Variants in PSPH observed in about 807,000 individuals in gnomAD.
PSPH encodes the protein phosphoserine phosphatase.
Under a neutral mutation model 23.4 loss-of-function variants are expected in PSPH, and 16 were observed. The ratio of observed to expected loss-of-function variants is 0.68; its 90% CI spans 0.46 to 1.04. The LOEUF is 1.04. Among genes scored for constraint, PSPH ranks in the 50% least tolerant of loss-of-function variants. The pLI, the probability that PSPH is intolerant of heterozygous loss-of-function variation, is 0.00. For missense variants in PSPH, 223 were observed against 273.7 expected (o/e 0.81, Z 1.31); for synonymous variants, 68 against 99.7 (o/e 0.68, Z 1.89).
Position 56,038,481 on chromosome 7 carries a change from C to T in PSPH, c.-291-4375G>A, listed in dbSNP as rs1217588199. Among the ~76,000 whole-genome samples the T allele has an allele frequency of 2.0e-5, 3 of 151,448 alleles. No individual in the cohort carries two copies. In the South Asian group the frequency reaches 6.3e-4, roughly 32 times the overall value. On this transcript the variant is annotated intron_variant, in intron 1 of 7. Transcript: ENST00000275605. ...CTAAAAAACAAACAGACAAAAAACA[C>T]TGAACACGTGCAATTTCTATGACCC...
chr7:56,038,178 C>T (rs1029074518), intron 1 of PSPH, among the ~76,000 whole-genome samples: 1 of 151,582 alleles, frequency 6.6e-6, no homozygotes, highest in Admixed American at 6.6e-5. Flanking sequence ...GTGGCTCACA[C>T]CTGTAATCCC....
At chr7:56,013,156 TACACACACAC>T (rs34329610) in intron 7 of PSPH, among the ~76,000 whole-genome samples, 3,968 of 142,138 alleles carry the variant, frequency 0.028, 166 homozygotes, top group African/African-American at 0.091. Context: ...TGTATGTGTA[TACACACACAC>T]ACACACACAC....
chr7:56,035,110 G>A (rs1228363232), intron 1 of PSPH, among the ~76,000 whole-genome samples: 5 of 152,104 alleles, frequency 3.3e-5, no homozygotes. Flanking sequence ...GGAGGCTGAG[G>A]CAAGCGGATC....
chr7:56,035,072 G>A (rs1791557438), intron 1 of PSPH, among the ~76,000 whole-genome samples: 1 of 152,074 alleles, frequency 6.6e-6, no homozygotes, highest in Admixed American at 6.6e-5. Flanking sequence ...CAGGCGCGGT[G>A]GCTCAAGCAT....
intron 7 of PSPH, among the ~76,000 whole-genome samples, chr7:56,014,517 T>C (rs972803024): frequency 1.3e-5 from 2 of 152,208 alleles, no homozygotes; most frequent in African/African-American, 4.8e-5. Context: ...GTTTTTATTT[T>C]ATTTTATTTA....
At chr7:56,034,539 G>A (rs1449063619) in intron 1 of PSPH, among the ~76,000 whole-genome samples, 1 of 151,674 alleles carries the variant, frequency 6.6e-6, no homozygotes. Flanking sequence ...TTTTTGAGAC[G>A]GAGTCTCGCT....
intron 3 of PSPH, 67 bp from the exon 4 acceptor site, chr7:56,021,298 T>G: frequency 6.8e-7 from 1 of 1,460,456 alleles, no homozygotes; most frequent in Non-Finnish European, 9.4e-7. Flanking sequence ...CCACCTTGCC[T>G]ACTAAGCCAA....
chr7:56,045,009 T>C (rs557550939), intron 1 of PSPH, among the ~76,000 whole-genome samples: 2 of 150,192 alleles, frequency 1.3e-5, no homozygotes, highest in Non-Finnish European at 2.9e-5. Context: ...GAGGTGGAGA[T>C]TGCAGTGAGC....
intron 3 of PSPH, among the ~76,000 whole-genome samples, chr7:56,031,525 A>G (rs1023975137): frequency 2.6e-5 from 4 of 152,062 alleles, no homozygotes; most frequent in African/African-American, 9.7e-5. Context: ...TGAGGAGTAA[A>G]CTGCTGGCCG....
At position 56,015,966 on chromosome 7, in the gene PSPH, A is replaced by G. The variant is rs531648290; in HGVS notation, c.422-795T>C. Among the ~76,000 whole-genome samples, 9 of 152,108 alleles carry G rather than the reference A, an allele frequency of 5.9e-5. No individual in the cohort carries two copies. In the South Asian group the frequency reaches 1.7e-3, roughly 28 times the overall value. ...GAGCCACCACACCCAGCCTTAATAT[A>G]TTAAATTTAAAATGTTAATATATTA... On this transcript the variant is annotated intron_variant, in intron 6 of 7. Transcript: ENST00000275605.
intron 7 of PSPH, among the ~76,000 whole-genome samples, chr7:56,012,261 G>A (rs1787998439): frequency 6.6e-6 from 1 of 151,732 alleles, no homozygotes; most frequent in Admixed American, 6.6e-5. Context: ...GCACCGTCAT[G>A]GCTCACTGCA....
At chr7:56,030,636 C>A (rs1055380102) in intron 3 of PSPH, among the ~76,000 whole-genome samples, 16 of 152,206 alleles carry the variant, frequency 1.1e-4, no homozygotes, top group Non-Finnish European at 1.8e-4. Flanking sequence ...CGGTGGCTCA[C>A]AGCTGTAATC....
intron 1 of PSPH, among the ~76,000 whole-genome samples, chr7:56,048,362 C>T (rs961407222): frequency 1.3e-5 from 2 of 151,242 alleles, no homozygotes; most frequent in Non-Finnish European, 2.9e-5. Context: ...AAATAACTGG[C>T]CAGTATTCAA....
intron 6 of PSPH, among the ~76,000 whole-genome samples, chr7:56,016,626 A>G (rs1562785288): frequency 1.3e-5 from 2 of 151,730 alleles, no homozygotes; most frequent in African/African-American, 4.8e-5. Context: ...CTGGAAGTGC[A>G]GTGGCGAGAT....
chr7:56,038,158 G>A (rs1053048973), intron 1 of PSPH, among the ~76,000 whole-genome samples: 2 of 151,826 alleles, frequency 1.3e-5, no homozygotes, highest in African/African-American at 4.8e-5. Flanking sequence ...AACACATGCG[G>A]CCAGGTGCGG....
At chr7:56,048,795 CTT>C (rs548240200) in intron 1 of PSPH, among the ~76,000 whole-genome samples, 68 of 130,802 alleles carry the variant, frequency 5.2e-4, no homozygotes, top group Admixed American at 7.7e-4. Context: ...CCACACCTGG[CTT>C]TTTTTTTTTT....
chr7:56,034,330 G>C (rs1562815863), intron 1 of PSPH, among the ~76,000 whole-genome samples: 1 of 152,120 alleles, frequency 6.6e-6, no homozygotes, highest in Admixed American at 6.5e-5. Flanking sequence ...AAGAGCTCCC[G>C]GACCTTCAGA....
At chr7:56,049,249 C>A (rs1478962625) in intron 1 of PSPH, among the ~76,000 whole-genome samples, 1 of 151,778 alleles carries the variant, frequency 6.6e-6, no homozygotes, top group Admixed American at 6.6e-5. Context: ...TTAAACCCTG[C>A]TTGCATTAGG....
chr7:56,017,911 T>C (rs996267756), intron 5 of PSPH, among the ~76,000 whole-genome samples: 1 of 151,870 alleles, frequency 6.6e-6, no homozygotes, highest in Non-Finnish European at 1.5e-5. Flanking sequence ...TTAGTAGACA[T>C]GGGGTTTCAC....
Sources: gnomAD v4.1 joint callset for allele counts (sites outside exome capture counted in the v4.1 genomes callset) on GRCh38, gnomAD v4.1.1 for gene constraint, MANE v1.5 for transcripts, NCBI Gene and HGNC (gene_info 2026-07-23, HGNC 2026-07-21) for gene names.